The following CYP2B6 variants were observed in gnomAD, a reference collection of about 807,000 sequenced individuals.
CYP2B6 encodes the protein cytochrome P450 family 2 subfamily B member 6, also known as cytochrome P450 2B6.
Under a neutral mutation model 43.4 loss-of-function variants are expected in CYP2B6, and 35 were observed. That is an observed-to-expected ratio of 0.81 (90% CI 0.62 to 1.07). The LOEUF is 1.07. Among genes scored for constraint, CYP2B6 ranks in the 50% least tolerant of loss-of-function variants. The probability of loss-of-function intolerance (pLI) is 0.00; values close to 1 mark genes in which losing one functional copy is unlikely to be tolerated. For missense variants in CYP2B6, 624 were observed against 632.8 expected (o/e 0.99, Z 0.15); for synonymous variants, 239 against 239.2 (o/e 1.00, Z 0.01).
chr19:41,006,007 C>T (rs1295043700), intron 3 of CYP2B6, among the ~76,000 whole-genome samples: 1 of 151,654 alleles, frequency 6.6e-6, no homozygotes, highest in Non-Finnish European at 1.5e-5. Context: ...TTACAGACCA[C>T]TCTCCCTCCA....
intron 1 of CYP2B6, among the ~76,000 whole-genome samples, chr19:40,999,151 T>C (rs928943537): frequency 2.0e-5 from 3 of 152,082 alleles, no homozygotes; most frequent in African/African-American, 7.3e-5. Flanking sequence ...ATTGTGGTTT[T>C]GATTTGCATT....
intron 8 of CYP2B6, among the ~76,000 whole-genome samples, chr19:41,014,420 C>T (rs1395474905): frequency 2.0e-5 from 3 of 152,096 alleles, no homozygotes; most frequent in Admixed American, 6.5e-5. Context: ...ATTCTCCTGC[C>T]TCAGCCTCCC....
chr19:41,015,831 A>G (rs1221565107), intron 8 of CYP2B6, among the ~76,000 whole-genome samples: 1 of 149,060 alleles, frequency 6.7e-6, no homozygotes, highest in Non-Finnish European at 1.5e-5. Flanking sequence ...GGCAGTAACC[A>G]AACCTTAAGC....
In CYP2B6 at chr19:41,012,568, C is replaced by T. The variant is rs150722618; in HGVS notation, c.1152+83C>T. 357 of 1,607,900 alleles carry T rather than the reference C, an allele frequency of 2.2e-4. No homozygotes were observed. In the African/African-American group the frequency reaches 4.0e-3, roughly 18 times the overall value. ...CCCCGAACTCAACCTTTTGTTAGCT[C>T]CTTAATTGAGTCCCGTTGTTTTTGT... On this transcript the variant is annotated intron_variant, in intron 7 of 8. Transcript: ENST00000324071.
In CYP2B6 at chr19:41,012,300, A is replaced by G. The variant is rs201282330; in HGVS notation, c.967A>G (p.Arg323Gly). The G allele has an allele frequency of 6.0e-5, 97 of 1,614,004 alleles. No homozygotes were observed. The Middle Eastern group carries it at 8.2e-4, about 14-fold the overall frequency. The change falls in exon 7 of 9, where the codon AGA becomes GGA. Residue 323 changes from arginine (R) to glycine (G), a missense_variant and splice_region_variant. Transcript: ENST00000324071. ...LMLKYPHVAERVYREIEQVIG... is the reference protein window; with the variant it reads ...LMLKYPHVAEGVYREIEQVIG... ...CATTGGTCTTCTTTTCTGTACAGAGAGAGTCTACAGGGAGATTGAACAGGT... is the reference window on the plus strand; with the variant it reads ...CATTGGTCTTCTTTTCTGTACAGAGGGAGTCTACAGGGAGATTGAACAGGT...
At chr19:41,016,450 G>C in intron 8 of CYP2B6, among the ~76,000 whole-genome samples, 196 bp from the exon 9 acceptor site, 1 of 112,484 alleles carries the variant, frequency 8.9e-6, no homozygotes, top group South Asian at 3.1e-4. Context: ...AGAGAGAAAT[G>C]AACGTGGCAC....
intron 1 of CYP2B6, among the ~76,000 whole-genome samples, chr19:40,996,064 C>A (rs548144843): frequency 2.0e-5 from 3 of 152,204 alleles, no homozygotes; most frequent in East Asian, 3.9e-4. Context: ...CTAACCTTAT[C>A]GGTCCGGTGA....
chr19:41,005,303 A>C (rs1457874448), intron 3 of CYP2B6, among the ~76,000 whole-genome samples: 1 of 152,094 alleles, frequency 6.6e-6, no homozygotes, highest in Non-Finnish European at 1.5e-5. Flanking sequence ...CATCTCATTC[A>C]TGCCAGGTGT....
chr19:41,011,138 C>T (rs1208018963), intron 6 of CYP2B6, among the ~76,000 whole-genome samples: 1 of 152,130 alleles, frequency 6.6e-6, no homozygotes, highest in Non-Finnish European at 1.5e-5. Flanking sequence ...TTCATTCATG[C>T]ATTCATCCAT....
At position 41,012,757 on chromosome 19, in the gene CYP2B6, C is replaced by G. The variant is rs777953664; in HGVS notation, c.1236C>G (p.His412Gln). Residue 412 changes from histidine (H) to glutamine (Q), a missense_variant, in exon 8 of 9, where the codon CAC (histidine) becomes CAG (glutamine). Physicochemically the swap from His to Gln is conservative, Grantham distance 24 (BLOSUM62 0). Coordinates refer to ENST00000324071, the MANE Select transcript of CYP2B6 (RefSeq NM_000767.5). The stretch of plus-strand genomic sequence containing the variant: ...AACCAGACGCCTTCAATCCTGACCA[C>G]TTTCTGGATGCCAATGGGGCACTGA... ...FEKPDAFNPD[H>Q]FLDANGALKK... The G allele has an allele frequency of 1.6e-5, 26 of 1,614,030 alleles. No individual in the cohort carries two copies. The South Asian group carries it at 2.7e-4, about 17-fold the overall frequency.
rs184792641 is a variant in CYP2B6, at chr19:41,017,923, T to G, written c.*1096T>G. Reference sequence around the variant, plus strand: ...GGCTGGAGTGCTATGGTGCAATTTTTGTTCACTGCAACCTCTGCCTTCCAA... The same window carrying G: ...GGCTGGAGTGCTATGGTGCAATTTTGGTTCACTGCAACCTCTGCCTTCCAA... On this transcript the variant is annotated 3_prime_UTR_variant, in exon 9 of 9. Coordinates refer to ENST00000324071, the MANE Select transcript of CYP2B6 (RefSeq NM_000767.5). The G allele has an allele frequency of 1.3e-3, 201 of 152,032 alleles. No homozygotes were observed. Among genetic ancestry groups the G allele is most frequent in the African/African-American group, 4.7e-3 (195 of 41,464 alleles). The allele number at this position is 152,032 out of a possible 1,614,324, so 9.4% of individuals were successfully genotyped here.
intron 3 of CYP2B6, among the ~76,000 whole-genome samples, chr19:41,005,470 C>T (rs143429629): frequency 1.3e-3 from 200 of 151,424 alleles, no homozygotes; most frequent in African/African-American, 4.7e-3. Flanking sequence ...AGGAAAGAGA[C>T]AGATGGAGGG....
At chr19:41,004,874 C>A (rs999412707) in intron 3 of CYP2B6, among the ~76,000 whole-genome samples, 1 of 151,880 alleles carries the variant, frequency 6.6e-6, no homozygotes, top group African/African-American at 2.4e-5. Flanking sequence ...TGCCTGTAGT[C>A]CCAGCTACTC....
At chr19:40,996,436 T>A (rs1367236260) in intron 1 of CYP2B6, among the ~76,000 whole-genome samples, 2 of 152,130 alleles carry the variant, frequency 1.3e-5, no homozygotes, top group Non-Finnish European at 2.9e-5. Context: ...TTGATTGATC[T>A]TTGTGCATAG....
At chr19:41,007,121 C>A in intron 4 of CYP2B6, 56 bp downstream of exon 4, 1 of 1,555,222 alleles carries the variant, frequency 6.4e-7, no homozygotes, top group Non-Finnish European at 8.9e-7. Flanking sequence ...ACCCAGAACA[C>A]ACGAGAAAAG....
rs143715176 is a variant in CYP2B6, at chr19:41,011,945, T to A, written c.965-353T>A. 4.1e-3 allele frequency among the ~76,000 whole-genome samples: 626 copies of A among 152,196 alleles called. 3 individuals carry two copies. Among genetic ancestry groups the A allele is most frequent in the East Asian group, 0.021 (108 of 5,172 alleles). ...GTGTCCTTGCTGAAAGGTCTCTTTT[T>A]AAAAAAATTTTTTTTTCTTTTGAGA... is the stretch of plus-strand genomic sequence containing the variant. On this transcript the variant is annotated intron_variant, in intron 6 of 8. Coordinates refer to ENST00000324071, the MANE Select transcript of CYP2B6 (RefSeq NM_000767.5).
At chr19:41,006,344 T>TTG (rs58221650) in intron 3 of CYP2B6, among the ~76,000 whole-genome samples, 3 of 150,692 alleles carry the variant, frequency 2.0e-5, no homozygotes, top group African/African-American at 4.9e-5. Flanking sequence ...TTTTTTTTTT[T>TTG]GTAGAGACAG....
chr19:41,007,065 G>T lies in CYP2B6; in HGVS notation c.645G>T (p.Gln215His). ...CACTCATCAGCTCTGTATTCGGCCA[G>T]GTCAGGGAGACGGAGAGGGACAGGG... ...TFSLISSVFG[Q>H]LFELFSGFLK... is the part of the protein sequence containing the mutation. Residue 215 changes from glutamine to histidine, a missense_variant and splice_region_variant, in exon 4 of 9, where the codon CAG becomes CAT. By Grantham distance (24) the Gln-to-His change is conservative. Coordinates refer to ENST00000324071, the MANE Select transcript of CYP2B6 (RefSeq NM_000767.5). The T allele has an allele frequency of 1.2e-6, 2 of 1,614,136 alleles. No homozygotes were observed. The highest frequency in any genetic ancestry group is 1.7e-6 in the Non-Finnish European group (2 of 1,180,028).
chr19:41,005,466 GAGAC>G (rs1229987102), intron 3 of CYP2B6, among the ~76,000 whole-genome samples: 1 of 151,530 alleles, frequency 6.6e-6, no homozygotes, highest in African/African-American at 2.4e-5. Flanking sequence ...CAGGAGGAAA[GAGAC>G]AGATGGAGGG....
Sources: allele counts gnomAD v4.1 joint callset (sites outside exome capture counted in the v4.1 genomes callset), GRCh38; gene constraint gnomAD v4.1.1; transcripts MANE v1.5; gene names NCBI Gene and HGNC (gene_info 2026-07-23, HGNC 2026-07-21).